Variants in NDST4 observed in about 807,000 individuals in gnomAD.
NDST4 encodes the protein N-heparan sulfate sulfotransferase 4.
Under a neutral mutation model 100.8 loss-of-function variants are expected in NDST4, and 63 were observed. The ratio of observed to expected loss-of-function variants is 0.62; its 90% CI spans 0.51 to 0.77. The LOEUF is 0.77. NDST4 is among the 30% of genes least tolerant of loss of function. The pLI is 0.00. For synonymous variants in NDST4, 377 were observed against 361.8 expected (o/e 1.04, Z -0.48); for missense variants, 943 against 1,018.4 (o/e 0.93, Z 1.01).
At chr4:114,913,307 C>T (rs1725100461) in intron 6 of NDST4, among the ~76,000 whole-genome samples, 1 of 151,900 alleles carries the variant, frequency 6.6e-6, no homozygotes, top group Non-Finnish European at 1.5e-5. Context: ...AAGCTATCTA[C>T]ATTTGGAAGA....
chr4:115,096,679 T>G (rs1293599442), intron 1 of NDST4, among the ~76,000 whole-genome samples: 1 of 152,118 alleles, frequency 6.6e-6, no homozygotes, highest in Non-Finnish European at 1.5e-5. Context: ...CACACTCCCA[T>G]GTAGCAATAA....
intron 2 of NDST4, among the ~76,000 whole-genome samples, chr4:114,980,402 G>A (rs1180318263): frequency 2.0e-5 from 3 of 152,318 alleles, no homozygotes; most frequent in Non-Finnish European, 4.4e-5. Flanking sequence ...AGCACTTTGG[G>A]ACGCCGAGGC....
At chr4:114,983,634 A>G (rs1249438835) in intron 2 of NDST4, among the ~76,000 whole-genome samples, 7 of 152,138 alleles carry the variant, frequency 4.6e-5, no homozygotes. Context: ...GTCTCAGATG[A>G]GAATTTAGAC....
At chr4:115,047,616 A>G (rs940005450) in intron 2 of NDST4, among the ~76,000 whole-genome samples, 1 of 152,148 alleles carries the variant, frequency 6.6e-6, no homozygotes, top group African/African-American at 2.4e-5. Context: ...ATGCTATTAC[A>G]CAAAATATTT....
intron 2 of NDST4, among the ~76,000 whole-genome samples, chr4:114,982,138 G>T (rs1251946091): frequency 1.3e-5 from 2 of 152,170 alleles, no homozygotes; most frequent in African/African-American, 2.4e-5. Context: ...CAGAAAATTG[G>T]TATTGGGAGT....
intron 2 of NDST4, among the ~76,000 whole-genome samples, chr4:115,029,492 A>G (rs559784377): frequency 1.3e-5 from 2 of 152,230 alleles, no homozygotes; most frequent in South Asian, 4.1e-4. Flanking sequence ...GGTAGCTCTG[A>G]TGAGACTGGG....
chr4:114,828,549 C>T (rs906217985), intron 13 of NDST4, among the ~76,000 whole-genome samples: 2 of 151,506 alleles, frequency 1.3e-5, no homozygotes, highest in Admixed American at 6.6e-5. Flanking sequence ...AGAGATGGGC[C>T]GTTATTAGAG....
chr4:114,990,967 C>A (rs1177869459), intron 2 of NDST4, among the ~76,000 whole-genome samples: 1 of 151,914 alleles, frequency 6.6e-6, no homozygotes, highest in African/African-American at 2.4e-5. Flanking sequence ...TGAACACTAA[C>A]CTCATTTTAA....
intron 2 of NDST4, among the ~76,000 whole-genome samples, chr4:115,069,416 C>T (rs1261712792): frequency 6.6e-6 from 1 of 151,976 alleles, no homozygotes; most frequent in East Asian, 1.9e-4. Flanking sequence ...TGACAAAGGT[C>T]TAATATCCAG....
rs1428109578 is a variant in NDST4 at position 115,010,089 on chromosome 4, G to A, written c.979-32815C>T. Among the ~76,000 whole-genome samples, 31 of 122,134 alleles carry A rather than the reference G, an allele frequency of 2.5e-4. 5 individuals carry two copies. Among genetic ancestry groups the A allele is most frequent in the African/African-American group, 2.8e-4 (9 of 31,598 alleles). The allele number at this position is 122,134 out of a possible 152,430, so 80.1% of individuals were successfully genotyped here. On this transcript the variant is annotated intron_variant, in intron 2 of 13. Coordinates refer to ENST00000264363, the MANE Select transcript of NDST4 (RefSeq NM_022569.3). The stretch of plus-strand genomic sequence containing the variant: ...AGGAACACTTTTACACTGTTGGTGG[G>A]ACTGTAAACTAGTTCGACCATTGTG...
intron 6 of NDST4, among the ~76,000 whole-genome samples, chr4:114,880,484 G>A (rs922959551): frequency 6.6e-6 from 1 of 152,014 alleles, no homozygotes; most frequent in Non-Finnish European, 1.5e-5. Flanking sequence ...AATAATCATG[G>A]GCAGTTCAGC....
intron 4 of NDST4, among the ~76,000 whole-genome samples, chr4:114,957,206 T>C (rs1002674497): frequency 6.6e-6 from 1 of 152,182 alleles, no homozygotes; most frequent in African/African-American, 2.4e-5. Flanking sequence ...TATGAAGAAA[T>C]ACCCAAGACT....
intron 6 of NDST4, among the ~76,000 whole-genome samples, chr4:114,902,786 T>C (rs1298405901): frequency 2.0e-5 from 3 of 152,012 alleles, no homozygotes; most frequent in Non-Finnish European, 2.9e-5. Context: ...GGCTTTTTAG[T>C]TTTGAAGATT....
intron 2 of NDST4, among the ~76,000 whole-genome samples, chr4:115,021,411 T>C (rs1243179535): frequency 6.7e-6 from 1 of 149,626 alleles, no homozygotes; most frequent in African/African-American, 2.5e-5. Flanking sequence ...ATAAATACAT[T>C]CCACATACAT....
rs1345984908 is a variant in NDST4, at chr4:115,109,162, G to A, written c.-247+4282C>T. Among the ~76,000 whole-genome samples, 5 of 151,622 alleles carry A rather than the reference G, an allele frequency of 3.3e-5. No individual in the cohort carries two copies. In the South Asian group the frequency reaches 8.3e-4, roughly 25 times the overall value. On this transcript the variant is annotated intron_variant, in intron 1 of 13. Coordinates refer to ENST00000264363, the MANE Select transcript of NDST4 (RefSeq NM_022569.3). ...AAGGGAAGGGAAATAAGAAAAATGA[G>A]TAAAAGAAAGAGAAGAAAGAAAGGA... is the stretch of plus-strand genomic sequence containing the variant.
intron 4 of NDST4, among the ~76,000 whole-genome samples, chr4:114,965,626 A>G (rs2126238271): frequency 6.6e-6 from 1 of 152,160 alleles, no homozygotes; most frequent in East Asian, 1.9e-4. Context: ...GAAAATGTCA[A>G]TATTAAGGAC....
At chr4:114,840,739 G>A (rs1421475369) in intron 10 of NDST4, among the ~76,000 whole-genome samples, 2 of 152,176 alleles carry the variant, frequency 1.3e-5, no homozygotes, top group Non-Finnish European at 2.9e-5. Flanking sequence ...AAATTCTAGT[G>A]TAGGGTAAAT....
chr4:114,941,667 A>G (rs562475286), intron 4 of NDST4, among the ~76,000 whole-genome samples: 3 of 152,272 alleles, frequency 2.0e-5, no homozygotes, highest in Admixed American at 2.0e-4. Flanking sequence ...TTTGCAGGGC[A>G]GCAGCAGAGG....
At position 115,030,015 on chromosome 4, in the gene NDST4, T is replaced by C. The variant is rs188093951; in HGVS notation, c.978+46044A>G. Among the ~76,000 whole-genome samples, 711 of 151,650 alleles carry C rather than the reference T, an allele frequency of 4.7e-3. 6 individuals carry two copies. Among genetic ancestry groups the C allele is most frequent in the African/African-American group, 0.017 (679 of 40,974 alleles). On this transcript the variant is annotated intron_variant, in intron 2 of 13. Transcript: ENST00000264363. ...TTCTTTCAACACAAAGAAGTCAATA[T>C]ATTTTACCTTATTGTGTAATTTTGT...
Sources: gnomAD v4.1 joint callset for allele counts (sites outside exome capture counted in the v4.1 genomes callset) on GRCh38, gnomAD v4.1.1 for gene constraint, MANE v1.5 for transcripts, NCBI Gene and HGNC (gene_info 2026-07-23, HGNC 2026-07-21) for gene names.